The following IGFN1 variants were observed in gnomAD, a reference collection of about 807,000 sequenced individuals.
IGFN1 encodes the protein immunoglobulin like and fibronectin type III domain containing 1.
Under a neutral mutation model 289.5 loss-of-function variants are expected in IGFN1, and 253 were observed. The ratio of observed to expected loss-of-function variants is 0.87; its 90% CI spans 0.79 to 0.97. The LOEUF (loss-of-function observed/expected upper bound fraction) is 0.97. Ranked by LOEUF, IGFN1 falls within the 50% of genes least tolerant of loss-of-function variation. The pLI is 0.00. For synonymous variants in IGFN1, 1,706 were observed against 1,788.5 expected (o/e 0.95, Z 1.16); for missense variants, 4,470 against 4,686.1 (o/e 0.95, Z 1.35).
chr1:201,221,727 G>A lies in IGFN1; in HGVS notation c.10182G>A (p.Val3394=), dbSNP rs1653751174. The A allele has an allele frequency of 1.3e-6, 2 of 1,596,022 alleles. No individual in the cohort carries two copies. The highest frequency in any genetic ancestry group is 1.7e-6 in the Non-Finnish European group (2 of 1,169,118). Residue 3394 remains valine (V), a synonymous_variant, in exon 19 of 24, where the codon GTG becomes GTA. Transcript: ENST00000335211. ...AGCCCAGTGCCCTGGACACATTAGT[G>A]CAAGCCATGCCTGTTACTGGTGAGT... ...QSQPSALDTL[V]QAMPVTVCPK... is the part of the protein sequence containing the mutation.
intron 1 of IGFN1, among the ~76,000 whole-genome samples, chr1:201,191,636 C>G (rs1666662622): frequency 6.6e-6 from 1 of 152,282 alleles, no homozygotes; most frequent in African/African-American, 2.4e-5. Context: ...GATCTCTTTC[C>G]CTGTGTCATT....
chr1:201,197,786 T>C (rs548314827), intron 5 of IGFN1, among the ~76,000 whole-genome samples: 33 of 152,280 alleles, frequency 2.2e-4, no homozygotes, highest in African/African-American at 7.7e-4. Context: ...CAACCTGTAG[T>C]AATTAAAAGG....
At chr1:201,214,449 T>A (rs1288123522) in intron 13 of IGFN1, 148 bp downstream of exon 13, 4 of 786,072 alleles carry the variant, frequency 5.1e-6, no homozygotes, top group Non-Finnish European at 7.8e-6. Flanking sequence ...AAATAGCCAA[T>A]AACTTGGTGT....
Position 201,211,789 on chromosome 1 carries a change from G to A in IGFN1, c.6896G>A (p.Gly2299Glu). ...GGGGGTTCTGGGAGGAATCCATTAG[G>A]GAGCGAGGCAGGTTCTAGGGGTAGT... Reference protein sequence around the residue: ...VLGGSGRNPLGSEAGSRGSLE... With the variant: ...VLGGSGRNPLESEAGSRGSLE... Residue 2299 changes from glycine (G) to glutamate (E), a missense_variant, in exon 12 of 24, where the codon GGG becomes GAG. Gly to Glu is a moderately conservative substitution (Grantham distance 98). This residue lies in a region of IGFN1 where 2,218 missense variants were observed against 2,114.1 expected (regional missense o/e 1.05). Transcript: ENST00000335211. 2 of 1,536,830 alleles carry A rather than the reference G, an allele frequency of 1.3e-6. No homozygotes were observed. The highest frequency in any genetic ancestry group is 1.4e-5 in the African/African-American group (1 of 73,076).
intron 10 of IGFN1, among the ~76,000 whole-genome samples, chr1:201,204,671 GC>G (rs1667319177): frequency 6.6e-6 from 1 of 152,218 alleles, no homozygotes; most frequent in East Asian, 1.9e-4. Flanking sequence ...TCTCTTAACT[GC>G]GTAAGACTGG....
chr1:201,228,151 T>C (rs1230734918), intron 23 of IGFN1, among the ~76,000 whole-genome samples: 1 of 152,200 alleles, frequency 6.6e-6, no homozygotes, highest in East Asian at 1.9e-4. Context: ...CCAGCTTGTG[T>C]ACACATGTAG....
In IGFN1 at chr1:201,214,076, C is replaced by T. The variant is rs1667970759; in HGVS notation, c.8729-101C>T. 3.9e-6 allele frequency: 5 copies of T among 1,286,404 alleles called. No homozygotes were observed. The Admixed American group carries it at 1.1e-4, about 28-fold the overall frequency. The allele number at this position is 1,286,404 out of a possible 1,614,324, so 79.7% of individuals were successfully genotyped here. ...TGCTGGGAACCAGCCCTGCTGACACCAGCCAAGCCCAGTTGGCAGGACCAT... is the reference window on the plus strand; with the variant it reads ...TGCTGGGAACCAGCCCTGCTGACACTAGCCAAGCCCAGTTGGCAGGACCAT... On this transcript the variant is annotated intron_variant, in intron 12 of 23. Coordinates refer to ENST00000335211, the MANE Select transcript of IGFN1 (RefSeq NM_001164586.2).
At chr1:201,219,352 T>C (rs1460609673) in intron 18 of IGFN1, among the ~76,000 whole-genome samples, 1 of 152,270 alleles carries the variant, frequency 6.6e-6, no homozygotes, top group African/African-American at 2.4e-5. Context: ...TAGCATTTTC[T>C]ATCTGAGACC....
chr1:201,209,326 A>ACCTG lies in IGFN1; in HGVS notation c.4434_4435insCTGC (p.Arg1479LeufsTer15), dbSNP rs868281817. The ACCTG allele has an allele frequency of 6.7e-7, 1 of 1,482,548 alleles. No homozygotes were observed. The highest frequency in any genetic ancestry group is 8.9e-7 in the Non-Finnish European group (1 of 1,125,734). The allele number at this position is 1,482,548 out of a possible 1,614,324, so 91.8% of individuals were successfully genotyped here. A position where few individuals can be genotyped will look rare whatever the true frequency, so the allele number is the denominator to read the frequency against. On this transcript the variant is annotated frameshift_variant, in exon 12 of 24. Coordinates refer to ENST00000335211, the MANE Select transcript of IGFN1 (RefSeq NM_001164586.2). LOFTEE classifies it high-confidence loss of function. ...ATGGATTCAGGGAGCAAGGCAGGTT[A>ACCTG]CAGGGGTGGTTTAAGGGGTTCTGGG...
chr1:201,217,618 T>C (rs970704096), intron 17 of IGFN1, among the ~76,000 whole-genome samples, 158 bp downstream of exon 17: 1 of 152,012 alleles, frequency 6.6e-6, no homozygotes, highest in Non-Finnish European at 1.5e-5. Context: ...GGGTGGAGGG[T>C]AAATGTTACA....
In IGFN1 at chr1:201,208,290, C is replaced by CT. The variant is rs774204150; in HGVS notation, c.3398dup (p.Ala1135GlyfsTer8). The CT allele has an allele frequency of 1.0e-5, 16 of 1,530,378 alleles. 1 individual carries two copies. The South Asian group carries it at 1.8e-4, about 17-fold the overall frequency. The allele number at this position is 1,530,378 out of a possible 1,614,324, so 94.8% of individuals were successfully genotyped here. A position where few individuals can be genotyped will look rare whatever the true frequency, so the allele number is the denominator to read the frequency against. ...TGGGGGCTTCAGAGCCTCAGAGGCC[C>CT]TGGGGGCCTTTGGAGAAGGAGGCTA... is the stretch of plus-strand genomic sequence containing the variant. On this transcript the variant is annotated frameshift_variant, in exon 12 of 24. Coordinates refer to ENST00000335211, the MANE Select transcript of IGFN1 (RefSeq NM_001164586.2). LOFTEE classifies it high-confidence loss of function.
intron 9 of IGFN1, among the ~76,000 whole-genome samples, chr1:201,202,861 T>C (rs1479956766): frequency 1.4e-4 from 21 of 151,450 alleles, no homozygotes; most frequent in Admixed American, 1.4e-3. Flanking sequence ...GTTCAAGTGA[T>C]TCTCCTGCCT....
rs757756591 is a variant in IGFN1 at position 201,218,516 on chromosome 1, C to T, written c.9770-14C>T. Reference sequence around the variant, plus strand: ...ACCATCAGGGTGGGACTCACATGGGCGGGCTGTTCACAGAGAGGAGGTGGA... The same window carrying T: ...ACCATCAGGGTGGGACTCACATGGGTGGGCTGTTCACAGAGAGGAGGTGGA... On this transcript the variant is annotated splice_polypyrimidine_tract_variant and intron_variant, in intron 17 of 23. Coordinates refer to ENST00000335211, the MANE Select transcript of IGFN1 (RefSeq NM_001164586.2). 21 of 1,608,122 alleles carry T rather than the reference C, an allele frequency of 1.3e-5. No individual in the cohort carries two copies. Among genetic ancestry groups the T allele is most frequent in the East Asian group, 6.7e-5 (3 of 44,892 alleles).
At position 201,228,489 on chromosome 1, in the gene IGFN1, C is replaced by T. The variant is rs536703268; in HGVS notation, c.*90C>T. 10 of 1,380,758 alleles carry T rather than the reference C, an allele frequency of 7.2e-6. No homozygotes were observed. The highest frequency in any genetic ancestry group is 3.4e-5 in the Admixed American group (2 of 59,612). 85.5% of individuals were successfully genotyped at this position (1,380,758 alleles called of 1,614,324 possible). On this transcript the variant is annotated 3_prime_UTR_variant, in exon 24 of 24. Transcript: ENST00000335211. ...GGGAAGCCAATCCCAAGGATGGAGGCTGTGCCCAGAGCCCCAGGAAAATGG... is the reference window on the plus strand; with the variant it reads ...GGGAAGCCAATCCCAAGGATGGAGGTTGTGCCCAGAGCCCCAGGAAAATGG...
At chr1:201,203,622 G>A in intron 9 of IGFN1, 116 bp from the exon 10 acceptor site, 1 of 909,252 alleles carries the variant, frequency 1.1e-6, no homozygotes, top group Non-Finnish European at 1.7e-6. Context: ...CCAGGAATCT[G>A]TTGTCTGGCG....
In IGFN1 at chr1:201,215,825, T is replaced by A. The variant is rs1357812509; in HGVS notation, c.9282T>A (p.Thr3094=). Residue 3094 remains threonine, a synonymous_variant, in exon 15 of 24, where the codon ACT becomes ACA. Coordinates refer to ENST00000335211, the MANE Select transcript of IGFN1 (RefSeq NM_001164586.2). ...GAGGCTCTGTGCAGGCCGAGCTCACTCTGCAAGTCATAGGTACCAGCCCTG... is the reference window on the plus strand; with the variant it reads ...GAGGCTCTGTGCAGGCCGAGCTCACACTGCAAGTCATAGGTACCAGCCCTG... The part of the protein sequence containing the change: ...SEGGSVQAEL[T]LQVIDKPDPP... The A allele has an allele frequency of 6.3e-7, 1 of 1,599,714 alleles. No homozygotes were observed. The highest frequency in any genetic ancestry group is 1.1e-5 in the South Asian group (1 of 88,352).
chr1:201,217,286 G>A lies in IGFN1; in HGVS notation c.9596-1G>A. 2 of 1,612,910 alleles carry A rather than the reference G, an allele frequency of 1.2e-6. No homozygotes were observed. Among genetic ancestry groups the A allele is most frequent in the Non-Finnish European group, 8.5e-7 (1 of 1,179,514 alleles). On this transcript the variant is annotated splice_acceptor_variant, in intron 16 of 23. Transcript: ENST00000335211. LOFTEE classifies it high-confidence loss of function. ...CTGACTGGAATCTTTCTTACCCCCA[G>A]CTCTCCCCAAGGCCCCTTCCGCGCC...
intron 18 of IGFN1, among the ~76,000 whole-genome samples, chr1:201,219,608 C>A (rs1214211132): frequency 6.6e-6 from 1 of 152,234 alleles, no homozygotes; most frequent in Non-Finnish European, 1.5e-5. Flanking sequence ...ATCCCCTAAT[C>A]AGTTTGCCTA....
rs1323381992 is a variant in IGFN1, at chr1:201,212,301, T to G, written c.7408T>G (p.Tyr2470Asp). 1 of 1,536,452 alleles carries G rather than the reference T, an allele frequency of 6.5e-7. No individual in the cohort carries two copies. Among genetic ancestry groups the G allele is most frequent in the Non-Finnish European group, 8.7e-7 (1 of 1,146,734 alleles). Residue 2470 changes from tyrosine (Y) to aspartate (D), a missense_variant, in exon 12 of 24, where the codon TAT (tyrosine) becomes GAT (aspartate). Physicochemically the swap from Tyr to Asp is radical, Grantham distance 160 (BLOSUM62 -3). Around this residue, in one of 8 missense-constraint regions of IGFN1, gnomAD observed 2,218 missense variants for 2,114.1 expected, o/e 1.05. Transcript: ENST00000335211. ...ERGSTKDLGGYGTSGIPEASE... is the reference protein window; with the variant it reads ...ERGSTKDLGGDGTSGIPEASE... Reference sequence around the variant, plus strand: ...AGGCTCCACCAAAGATCTTGGGGGCTATGGAACTTCAGGGATCCCTGAGGC... The same window carrying G: ...AGGCTCCACCAAAGATCTTGGGGGCGATGGAACTTCAGGGATCCCTGAGGC...
Sources: gnomAD v4.1 joint callset for allele counts (sites outside exome capture counted in the v4.1 genomes callset) on GRCh38, gnomAD v4.1.1 for gene constraint, gnomAD v4.1.1 regional missense constraint, MANE v1.5 for transcripts, NCBI Gene and HGNC (gene_info 2026-07-23, HGNC 2026-07-21) for gene names.